The following RAPGEF2 variants were observed in gnomAD, a reference collection of about 807,000 sequenced individuals.
RAPGEF2 encodes the protein Rap guanine nucleotide exchange factor 2, also known as PDZ domain containing guanine nucleotide exchange factor (GEF) 1.
RAPGEF2 carries 54 observed loss-of-function variants against 186.7 expected under a neutral mutation model. The observed-to-expected ratio is 0.29, with a 90% CI of 0.23 to 0.36. The LOEUF is 0.36. RAPGEF2 is among the 10% of genes least tolerant of loss of function. The pLI is 1.00. For missense variants in RAPGEF2, 1,532 were observed against 2,045.0 expected (o/e 0.75, Z 4.84); for synonymous variants, 712 against 705.9 (o/e 1.01, Z -0.14).
At chr4:159,238,216 G>T (rs779073931) in intron 4 of RAPGEF2, among the ~76,000 whole-genome samples, 177 of 152,270 alleles carry the variant, frequency 1.2e-3, no homozygotes, top group Non-Finnish European at 1.5e-3. Context: ...GTGTTCACTC[G>T]TGCAGAGTTC....
At chr4:159,301,572 G>A (rs1762681005) in intron 7 of RAPGEF2, among the ~76,000 whole-genome samples, 1 of 152,018 alleles carries the variant, frequency 6.6e-6, no homozygotes, top group African/African-American at 2.4e-5. Flanking sequence ...GCGGAGAAAG[G>A]GATAAAAACA....
chr4:159,234,451 C>T (rs1264592502), intron 4 of RAPGEF2, among the ~76,000 whole-genome samples: 5 of 151,932 alleles, frequency 3.3e-5, no homozygotes, highest in Admixed American at 6.6e-5. Context: ...GGAACGATCT[C>T]GTCTCACCGC....
chr4:159,303,153 A>C (rs1762871058), intron 7 of RAPGEF2, among the ~76,000 whole-genome samples: 1 of 152,146 alleles, frequency 6.6e-6, no homozygotes, highest in Non-Finnish European at 1.5e-5. Flanking sequence ...AAGGGATATA[A>C]ATACATTTTG....
chr4:159,241,493 G>A (rs1753992432), intron 6 of RAPGEF2, 125 bp downstream of exon 6: 1 of 338,916 alleles, frequency 3.0e-6, no homozygotes, highest in Admixed American at 4.9e-5. Context: ...CACACATTAA[G>A]TATACTTAAA....
At chr4:159,317,264 G>A (rs557930116) in intron 9 of RAPGEF2, among the ~76,000 whole-genome samples, 1 of 152,168 alleles carries the variant, frequency 6.6e-6, no homozygotes, top group East Asian at 1.9e-4. Context: ...GATGAATATT[G>A]TATGGTAATT....
chr4:159,289,725 C>T (rs960974757), intron 7 of RAPGEF2, among the ~76,000 whole-genome samples: 3 of 152,172 alleles, frequency 2.0e-5, no homozygotes, highest in African/African-American at 7.2e-5. Flanking sequence ...AGTTCTGTGA[C>T]AGGCAGCATT....
At chr4:159,246,880 A>G (rs1754693158) in intron 7 of RAPGEF2, among the ~76,000 whole-genome samples, 1 of 152,162 alleles carries the variant, frequency 6.6e-6, no homozygotes, top group African/African-American at 2.4e-5. Flanking sequence ...TAAATTTCCT[A>G]GAATATTTAA....
At chr4:159,289,038 T>TA in intron 7 of RAPGEF2, among the ~76,000 whole-genome samples, 1 of 152,304 alleles carries the variant, frequency 6.6e-6, no homozygotes, top group African/African-American at 2.4e-5. Context: ...CTACAGTACT[T>TA]ACTGATAGCT....
intron 3 of RAPGEF2, among the ~76,000 whole-genome samples, chr4:159,198,934 G>A (rs1010056915): frequency 9.2e-5 from 14 of 151,574 alleles, no homozygotes; most frequent in Non-Finnish European, 1.6e-4. Context: ...ACAAAAATTA[G>A]GCGTGGTGGC....
chr4:159,238,074 T>C (rs1365699323), intron 4 of RAPGEF2, among the ~76,000 whole-genome samples: 1 of 151,912 alleles, frequency 6.6e-6, no homozygotes, highest in East Asian at 1.9e-4. Flanking sequence ...TGAGGTGTTA[T>C]ATTAACAAAA....
chr4:159,154,940 G>T (rs1156346621), intron 1 of RAPGEF2, among the ~76,000 whole-genome samples: 2 of 152,154 alleles, frequency 1.3e-5, no homozygotes. Context: ...CCAATCAGTT[G>T]TATAACCTAT....
Position 159,341,876 on chromosome 4 carries a change from T to C in RAPGEF2, c.2847T>C (p.Ile949=), listed in dbSNP as rs767814127. The change falls in exon 20 of 30, where the codon ATT becomes ATC. Residue 949 remains isoleucine (I), a synonymous_variant. Coordinates refer to ENST00000691494, the MANE Select transcript of RAPGEF2 (RefSeq NM_001394067.2). The part of the protein sequence containing the change: ...ETNQLKRMKI[I]KHFIKIALHC... The stretch of plus-strand genomic sequence containing the variant: ...ACCAGCTGAAGAGGATGAAGATCAT[T>C]AAGCATTTCATCAAGATAGCACTGC... 6.2e-7 allele frequency: 1 copy of C among 1,613,740 alleles called. No homozygotes were observed. Among genetic ancestry groups the C allele is most frequent in the Non-Finnish European group, 8.5e-7 (1 of 1,179,764 alleles).
chr4:159,147,126 A>G (rs1561011456), intron 1 of RAPGEF2, among the ~76,000 whole-genome samples: 1 of 152,198 alleles, frequency 6.6e-6, no homozygotes, highest in African/African-American at 2.4e-5. Flanking sequence ...TTACCGTTCT[A>G]TTAACCAGTC....
intron 1 of RAPGEF2, among the ~76,000 whole-genome samples, chr4:159,173,343 G>A (rs999807815): frequency 2.0e-5 from 3 of 152,136 alleles, no homozygotes; most frequent in Non-Finnish European, 4.4e-5. Context: ...AAACTCTACC[G>A]TGGTAGGACT....
chr4:159,304,673 A>G (rs1189431837), intron 8 of RAPGEF2, among the ~76,000 whole-genome samples, 200 bp downstream of exon 8: 6 of 152,094 alleles, frequency 3.9e-5, no homozygotes, highest in African/African-American at 1.4e-4. Context: ...CTCTGCTATG[A>G]CGAGTTATCA....
At chr4:159,143,641 A>G (rs908652746) in intron 1 of RAPGEF2, among the ~76,000 whole-genome samples, 5 of 152,086 alleles carry the variant, frequency 3.3e-5, no homozygotes, top group African/African-American at 9.7e-5. Flanking sequence ...AGGGATATAC[A>G]CTTAAGGCTC....
chr4:159,174,056 G>T (rs1400654356), intron 1 of RAPGEF2, among the ~76,000 whole-genome samples: 1 of 152,182 alleles, frequency 6.6e-6, no homozygotes, highest in Non-Finnish European at 1.5e-5. Flanking sequence ...CAGGAATTGC[G>T]AACTGATTTT....
At chr4:159,249,564 G>T (rs1352310993) in intron 7 of RAPGEF2, among the ~76,000 whole-genome samples, 1 of 151,586 alleles carries the variant, frequency 6.6e-6, no homozygotes, top group Admixed American at 6.6e-5. Context: ...ACTTGTGAAA[G>T]AAAATATTTT....
chr4:159,276,850 A>AC (rs386402022), intron 7 of RAPGEF2, among the ~76,000 whole-genome samples: 1 of 151,994 alleles, frequency 6.6e-6, no homozygotes, highest in Non-Finnish European at 1.5e-5. Context: ...TTTTTTCAAA[A>AC]AAAAAAGGAA....
Sources: allele counts gnomAD v4.1 joint callset (sites outside exome capture counted in the v4.1 genomes callset), GRCh38; gene constraint gnomAD v4.1.1; transcripts MANE v1.5; gene names NCBI Gene and HGNC (gene_info 2026-07-23, HGNC 2026-07-21).